ZNF816: variants seen among roughly 807,000 people sequenced by gnomAD.
ZNF816 encodes the protein zinc finger protein 816.
Under a neutral mutation model 8.3 loss-of-function variants are expected in ZNF816, and 11 were observed. The ratio of observed to expected loss-of-function variants is 1.32; its 90% CI spans 0.83 to 2.19. The LOEUF (loss-of-function observed/expected upper bound fraction) is 2.19, where lower values mean the gene tolerates loss of function less well. Among genes scored for constraint, ZNF816 ranks in the 30% most tolerant of loss-of-function variants. The pLI is 0.00. For synonymous variants in ZNF816, 255 were observed against 254.5 expected (o/e 1.00, Z -0.02); for missense variants, 710 against 779.3 (o/e 0.91, Z 1.06).
Position 52,950,385 on chromosome 19 carries a change from G to T in ZNF816, c.1390C>A (p.Arg464=), listed in dbSNP as rs779683344. The part of the protein sequence containing the change: ...KCNKCGRSFS[R]KSSLQYHHTL... ...TGATGGTATTGAAGGGATGACTTCCGACTGAAACTCCTGCCACATTTATTA... is the reference window on the plus strand; with the variant it reads ...TGATGGTATTGAAGGGATGACTTCCTACTGAAACTCCTGCCACATTTATTA... The change falls in exon 4 of 4, where the codon CGG becomes AGG. Residue 464 remains arginine, a synonymous_variant. Transcript: ENST00000444460. The T allele has an allele frequency of 6.2e-7, 1 of 1,612,866 alleles. No homozygotes were observed. Among genetic ancestry groups the T allele is most frequent in the African/African-American group, 1.3e-5 (1 of 74,546 alleles).
At chr19:52,953,005 G>T in intron 2 of ZNF816, 128 bp from the exon 3 acceptor site, 2 of 1,431,500 alleles carry the variant, frequency 1.4e-6, no homozygotes, top group South Asian at 1.6e-5. Context: ...TTATGTTAAG[G>T]TATTTTTGAA....
rs1228963336 is a variant in ZNF816, at chr19:52,957,611, T to C, written c.-15-1507A>G. On this transcript the variant is annotated intron_variant, in intron 1 of 3. Coordinates refer to ENST00000444460, the MANE Select transcript of ZNF816 (RefSeq NM_001202457.3). The surrounding 1 kb of genome is among the most constrained non-coding windows in gnomAD (Gnocchi z 4.6). ...AGGGGCAAAGACATTGATTTTCGTATTGATACCAGTGCTGAACATTCAGTA... is the reference window on the plus strand; with the variant it reads ...AGGGGCAAAGACATTGATTTTCGTACTGATACCAGTGCTGAACATTCAGTA... 6.6e-6 allele frequency among the ~76,000 whole-genome samples: 1 copy of C among 152,178 alleles called. No individual in the cohort carries two copies. Among genetic ancestry groups the C allele is most frequent in the Non-Finnish European group, 1.5e-5 (1 of 68,032 alleles).
rs879769243 is a variant in ZNF816 at position 52,949,733 on chromosome 19, T to C, written c.*86A>G. ...ATGACGTCTGAAAAATTTGCCACAT[T>C]TATTACACTTGTAGATCTCTCTTCA... is the stretch of plus-strand genomic sequence containing the variant. On this transcript the variant is annotated 3_prime_UTR_variant, in exon 4 of 4. Transcript: ENST00000444460. 1.2e-5 allele frequency: 19 copies of C among 1,600,078 alleles called. No homozygotes were observed. The highest frequency in any genetic ancestry group is 1.5e-5 in the Non-Finnish European group (17 of 1,170,628).
intron 1 of ZNF816, among the ~76,000 whole-genome samples, chr19:52,959,849 G>A (rs1220941642): frequency 1.3e-5 from 2 of 152,140 alleles, no homozygotes; most frequent in Non-Finnish European, 2.9e-5. Context: ...CTCCAGAGCT[G>A]ACTCAGAAGC....
chr19:52,956,318 T>G, intron 1 of ZNF816: 1 of 495,574 alleles, frequency 2.0e-6, no homozygotes, highest in Non-Finnish European at 3.6e-6. Context: ...CCTGGAAAAG[T>G]CCACACACAC....
At chr19:52,956,961 A>T (rs1295331869) in intron 1 of ZNF816, among the ~76,000 whole-genome samples, 1 of 152,246 alleles carries the variant, frequency 6.6e-6, no homozygotes, top group Admixed American at 6.5e-5. Flanking sequence ...GAAGCATTGC[A>T]AAAGTTTCTG....
chr19:52,949,819 T>C lies in ZNF816; in HGVS notation c.1956A>G (p.Ter652=), dbSNP rs1391191002. 5.6e-6 allele frequency: 9 copies of C among 1,613,390 alleles called. No homozygotes were observed. The highest frequency in any genetic ancestry group is 3.3e-5 in the Admixed American group (2 of 59,968). ...ATTACTGAAGACTTTGTGACAATCA[T>C]TACATTTGTAAAGTTTCCCTACACC... ...IHGCRETLQM[*] is the part of the protein sequence containing the mutation. The change falls in exon 4 of 4, where the codon TAA becomes TAG. Residue 652 remains the stop codon, a stop_retained_variant. Coordinates refer to ENST00000444460, the MANE Select transcript of ZNF816 (RefSeq NM_001202457.3).
At chr19:52,960,830 G>A (rs1445851470) in intron 1 of ZNF816, among the ~76,000 whole-genome samples, 1 of 152,156 alleles carries the variant, frequency 6.6e-6, no homozygotes, top group East Asian at 1.9e-4. Flanking sequence ...TGGGAGGCAA[G>A]GCCAAGCCCA....
intron 2 of ZNF816, among the ~76,000 whole-genome samples, chr19:52,955,286 A>G (rs776190780): frequency 2.0e-5 from 3 of 152,226 alleles, no homozygotes; most frequent in Non-Finnish European, 4.4e-5. Flanking sequence ...TTGATTTCAT[A>G]ATTTGAAGTC....
rs1490943120 is a variant in ZNF816 at position 52,950,215 on chromosome 19, G to C, written c.1560C>G (p.Arg520=). ...KCEECDKVFS[R]RSHLERHRRI... is the part of the protein sequence containing the mutation. Reference sequence around the variant, plus strand: ...TCCTATGTCTTTCAAGGTGTGATCTGCGACTGAAAACTTTGTCACATTCTT... The same window carrying C: ...TCCTATGTCTTTCAAGGTGTGATCTCCGACTGAAAACTTTGTCACATTCTT... Residue 520 remains arginine (R), a synonymous_variant, in exon 4 of 4, where the codon CGC becomes CGG. Coordinates refer to ENST00000444460, the MANE Select transcript of ZNF816 (RefSeq NM_001202457.3). 5.6e-6 allele frequency: 9 copies of C among 1,613,378 alleles called. No individual in the cohort carries two copies. Among genetic ancestry groups the C allele is most frequent in the Non-Finnish European group, 6.8e-6 (8 of 1,179,904 alleles).
Position 52,950,677 on chromosome 19 carries a change from C to T in ZNF816, c.1098G>A (p.Glu366=), listed in dbSNP as rs755445610. 5.0e-6 allele frequency: 8 copies of T among 1,613,998 alleles called. No individual in the cohort carries two copies. The African/African-American group carries it at 1.1e-4, about 22-fold the overall frequency. ...CACACTCATTACACTTGTAAGGTTTCTCTCCAGTATGAATTGCCTTATGAA... is the reference window on the plus strand; with the variant it reads ...CACACTCATTACACTTGTAAGGTTTTTCTCCAGTATGAATTGCCTTATGAA... ...LVIHKAIHTG[E]KPYKCNECGK... Residue 366 remains glutamate, a synonymous_variant, in exon 4 of 4, where the codon GAG becomes GAA. Transcript: ENST00000444460.
At position 52,950,461 on chromosome 19, in the gene ZNF816, T is replaced by C; in HGVS notation, c.1314A>G (p.Ser438=). The C allele has an allele frequency of 6.2e-7, 1 of 1,613,970 alleles. No individual in the cohort carries two copies. Among genetic ancestry groups the C allele is most frequent in the Non-Finnish European group, 8.5e-7 (1 of 1,180,022 alleles). ...KVCDKVFRSD[S]YLAEHQRVHT... is the part of the protein sequence containing the mutation. ...GAACTCTCTGATGTTCTGCAAGGTA[T>C]GAATCACTCCGGAAAACCTTGTCAC... is the stretch of plus-strand genomic sequence containing the variant. Residue 438 remains serine, a synonymous_variant, in exon 4 of 4, where the codon TCA becomes TCG. Coordinates refer to ENST00000444460, the MANE Select transcript of ZNF816 (RefSeq NM_001202457.3).
Position 52,951,065 on chromosome 19 carries a change from G to A in ZNF816, c.710C>T (p.Ala237Val), listed in dbSNP as rs1206739963. ...CCTTAAGAGTGAGCTATAATTAAAG[G>A]CTTTGCCACACTCATTACTTTGGCA... is the stretch of plus-strand genomic sequence containing the variant. ...KPCQSNECGKAFNYSSLLRRH... is the reference protein window; with the variant it reads ...KPCQSNECGKVFNYSSLLRRH... Residue 237 changes from alanine (A) to valine (V), a missense_variant, in exon 4 of 4, where the codon GCC becomes GTC. Coordinates refer to ENST00000444460, the MANE Select transcript of ZNF816 (RefSeq NM_001202457.3). The A allele has an allele frequency of 6.2e-7, 1 of 1,614,004 alleles. No homozygotes were observed.
At position 52,950,640 on chromosome 19, in the gene ZNF816, T is replaced by C; in HGVS notation, c.1135A>G (p.Ser379Gly). The C allele has an allele frequency of 1.2e-6, 2 of 1,614,184 alleles. No homozygotes were observed. The change falls in exon 4 of 4, where the codon AGT becomes GGT. Residue 379 changes from serine to glycine, a missense_variant. By Grantham distance (56) the Ser-to-Gly change is moderately conservative. Coordinates refer to ENST00000444460, the MANE Select transcript of ZNF816 (RefSeq NM_001202457.3). ...YKCNECGKTF[S>G]QKSSLQCHHI... ...TGGCATTGAAGGGATGATTTCTGAC[T>C]GAAGGTCTTGCCACACTCATTACAC... is the stretch of plus-strand genomic sequence containing the variant.
In ZNF816 at chr19:52,950,517, T is replaced by C. The variant is rs769851701; in HGVS notation, c.1258A>G (p.Thr420Ala). Reference protein sequence around the residue: ...SHLERHRKIHTGEGSYKCKVC... With the variant: ...SHLERHRKIHAGEGSYKCKVC... ...TTACATTTGTATGATCCCTCTCCAGTATGAATCTTCCTATGTCTTTCAAGG... is the reference window on the plus strand; with the variant it reads ...TTACATTTGTATGATCCCTCTCCAGCATGAATCTTCCTATGTCTTTCAAGG... Residue 420 changes from threonine (T) to alanine (A), a missense_variant, in exon 4 of 4, where the codon ACT (threonine) becomes GCT (alanine). Physicochemically the swap from Thr to Ala is moderately conservative, Grantham distance 58. Transcript: ENST00000444460. 6.2e-7 allele frequency: 1 copy of C among 1,613,152 alleles called. No homozygotes were observed. The highest frequency in any genetic ancestry group is 8.5e-7 in the Non-Finnish European group (1 of 1,179,596).
Position 52,950,399 on chromosome 19 carries a change from C to T in ZNF816, c.1376G>A (p.Gly459Asp). 1 of 1,612,156 alleles carries T rather than the reference C, an allele frequency of 6.2e-7. No homozygotes were observed. The change falls in exon 4 of 4, where the codon GGC (glycine) becomes GAC (aspartate). Residue 459 changes from glycine to aspartate, a missense_variant. Transcript: ENST00000444460. ...GGATGACTTCCGACTGAAACTCCTG[C>T]CACATTTATTACACTTGTATGGTTT... ...GEKPYKCNKC[G>D]RSFSRKSSLQ...
chr19:52,960,825 G>A lies in ZNF816; in HGVS notation c.-16+1902C>T, dbSNP rs142228516. 3.9e-3 allele frequency among the ~76,000 whole-genome samples: 600 copies of A among 152,280 alleles called. 3 individuals carry two copies. Among genetic ancestry groups the A allele is most frequent in the African/African-American group, 0.014 (587 of 41,548 alleles). Reference sequence around the variant, plus strand: ...AACCTGCAGCGCCTGAAACCTGGGAGGCAAGGCCAAGCCCAGATAACCCCT... The same window carrying A: ...AACCTGCAGCGCCTGAAACCTGGGAAGCAAGGCCAAGCCCAGATAACCCCT... On this transcript the variant is annotated intron_variant, in intron 1 of 3. Transcript: ENST00000444460.
At chr19:52,954,547 C>A (rs115692303) in intron 2 of ZNF816, among the ~76,000 whole-genome samples, 1 of 151,534 alleles carries the variant, frequency 6.6e-6, no homozygotes, top group Non-Finnish European at 1.5e-5. Flanking sequence ...TTCATCAGAC[C>A]GGGAGCAGGG....
chr19:52,955,178 T>TA lies in ZNF816; in HGVS notation c.63+848dup, dbSNP rs941416827. 4.2e-3 allele frequency among the ~76,000 whole-genome samples: 638 copies of TA among 151,300 alleles called. 1 individual carries two copies. The highest frequency in any genetic ancestry group is 0.014 in the African/African-American group (589 of 41,200). ...AATGTTTGCTTCATCAGAGTCCCTG[T>TA]AAAAAAAACAAAACAAAACAAAAAA... is the stretch of plus-strand genomic sequence containing the variant. On this transcript the variant is annotated intron_variant, in intron 2 of 3. Transcript: ENST00000444460.
Sources: gnomAD v4.1 joint callset for allele counts (sites outside exome capture counted in the v4.1 genomes callset) on GRCh38, gnomAD v4.1.1 for gene constraint, Gnocchi (gnomAD v3.1) non-coding constraint, MANE v1.5 for transcripts, NCBI Gene and HGNC (gene_info 2026-07-23, HGNC 2026-07-21) for gene names.